The following SMTNL2 variants were observed in gnomAD, a reference collection of about 807,000 sequenced individuals.
SMTNL2 encodes the protein smoothelin-like protein 2.
Under a neutral mutation model 44.1 loss-of-function variants are expected in SMTNL2, and 43 were observed. That is an observed-to-expected ratio of 0.98 (90% CI 0.76 to 1.26). SMTNL2 has a LOEUF of 1.26. SMTNL2 is among the 50% of genes most tolerant of loss of function. The probability of loss-of-function intolerance (pLI) is 0.00; values close to 1 mark genes in which losing one functional copy is unlikely to be tolerated. For synonymous variants in SMTNL2, 317 were observed against 287.6 expected (o/e 1.10, Z -1.03); for missense variants, 646 against 670.2 (o/e 0.96, Z 0.40).
In SMTNL2 at chr17:4,595,811, G is replaced by A. The variant is rs978763956; in HGVS notation, c.989+484G>A. 8.5e-5 allele frequency among the ~76,000 whole-genome samples: 13 copies of A among 152,370 alleles called. No individual in the cohort carries two copies. Among genetic ancestry groups the A allele is most frequent in the South Asian group, 4.1e-4 (2 of 4,832 alleles). On this transcript the variant is annotated intron_variant, in intron 5 of 7. Transcript: ENST00000389313. This position sits in a 1 kb window ranked among gnomAD's most constrained non-coding sequence, Gnocchi z 5.1. ...GGCCTCCAGCCTGCTACTAGGTCTCGAGCGACGGCTCCTCAGGCTCCAGCC... is the reference window on the plus strand; with the variant it reads ...GGCCTCCAGCCTGCTACTAGGTCTCAAGCGACGGCTCCTCAGGCTCCAGCC...
chr17:4,588,897 G>C (rs994440826), intron 1 of SMTNL2, among the ~76,000 whole-genome samples: 1 of 152,212 alleles, frequency 6.6e-6, no homozygotes, highest in Non-Finnish European at 1.5e-5. Context: ...GGTTCCCCCT[G>C]CCCCACCCCA....
chr17:4,597,750 A>G (rs969423772), intron 7 of SMTNL2, among the ~76,000 whole-genome samples: 15 of 152,242 alleles, frequency 9.9e-5, no homozygotes, highest in African/African-American at 3.6e-4. Context: ...GACCTGGGCC[A>G]CTTAAAAGGA....
At chr17:4,593,340 T>C (rs1424799806) in intron 3 of SMTNL2, among the ~76,000 whole-genome samples, 169 bp downstream of exon 3, 1 of 152,246 alleles carries the variant, frequency 6.6e-6, no homozygotes, top group East Asian at 1.9e-4. Context: ...CCTCCCGGGC[T>C]ACTGCCCAGA....
chr17:4,590,789 G>T (rs879683872), intron 1 of SMTNL2, among the ~76,000 whole-genome samples: 1 of 152,096 alleles, frequency 6.6e-6, no homozygotes, highest in Non-Finnish European at 1.5e-5. Flanking sequence ...CTTGCCATCT[G>T]GTCTCCACTC....
chr17:4,607,284 G>T lies in SMTNL2; in HGVS notation c.1260-77G>T, dbSNP rs577347703. 1 of 1,593,194 alleles carries T rather than the reference G, an allele frequency of 6.3e-7. No individual in the cohort carries two copies. Among genetic ancestry groups the T allele is most frequent in the South Asian group, 1.1e-5 (1 of 88,962 alleles). ...CCGGCTGAGCTCTGTTCCCGGGACCGAGACACCGGCCCTGTCGCGGCTGTG... is the reference window on the plus strand; with the variant it reads ...CCGGCTGAGCTCTGTTCCCGGGACCTAGACACCGGCCCTGTCGCGGCTGTG... On this transcript the variant is annotated intron_variant, in intron 7 of 7. Coordinates refer to ENST00000389313, the MANE Select transcript of SMTNL2 (RefSeq NM_001114974.2). The surrounding 1 kb of genome is among the most constrained non-coding windows in gnomAD (Gnocchi z 4.7).
intron 1 of SMTNL2, among the ~76,000 whole-genome samples, chr17:4,587,084 C>G (rs1909371794): frequency 6.6e-6 from 1 of 152,184 alleles, no homozygotes; most frequent in South Asian, 2.1e-4. Flanking sequence ...TGAGGAGGAC[C>G]TGAGTGCACT....
In SMTNL2 at chr17:4,584,704, G is replaced by A. The variant is rs1033754815; in HGVS notation, c.99G>A (p.Glu33=). 12 of 1,296,346 alleles carry A rather than the reference G, an allele frequency of 9.3e-6. No individual in the cohort carries two copies. In the African/African-American group the frequency reaches 1.6e-4, roughly 17 times the overall value. 80.3% of individuals were successfully genotyped at this position (1,296,346 alleles called of 1,614,324 possible). A position where few individuals can be genotyped will look rare whatever the true frequency, so the allele number is the denominator to read the frequency against. Residue 33 remains glutamate, a synonymous_variant, in exon 1 of 8, where the codon GAG becomes GAA. Coordinates refer to ENST00000389313, the MANE Select transcript of SMTNL2 (RefSeq NM_001114974.2). ...ALEGAVRALH[E]DMRGLQRGVE... ...AGGGTGCGGTGCGCGCGCTGCACGA[G>A]GACATGCGGGGGCTGCAGCGCGGCG...
intron 7 of SMTNL2, among the ~76,000 whole-genome samples, chr17:4,603,507 T>C (rs1458768495): frequency 6.6e-6 from 1 of 152,052 alleles, no homozygotes; most frequent in Non-Finnish European, 1.5e-5. Context: ...GGAAATTGGG[T>C]CCCCTTTCCC....
At chr17:4,586,372 C>T (rs1374393569) in intron 1 of SMTNL2, among the ~76,000 whole-genome samples, 1 of 152,180 alleles carries the variant, frequency 6.6e-6, no homozygotes, top group Non-Finnish European at 1.5e-5. Flanking sequence ...TCACACGTGC[C>T]TCATCAACTG....
In SMTNL2 at chr17:4,593,135, A is replaced by G; in HGVS notation, c.694A>G (p.Ser232Gly). 2 of 1,611,122 alleles carry G rather than the reference A, an allele frequency of 1.2e-6. No homozygotes were observed. The highest frequency in any genetic ancestry group is 8.5e-7 in the Non-Finnish European group (1 of 1,177,942). ...ATLGGLNPSP[S>G]EVITPWTPSP... is the part of the protein sequence containing the mutation. ...CCTGGGGGGCCTCAACCCAAGCCCC[A>G]GCGAGGTCATCACGCCCTGGACTCC... The change falls in exon 3 of 8, where the codon AGC becomes GGC. Residue 232 changes from serine to glycine, a missense_variant. Transcript: ENST00000389313.
In SMTNL2 at chr17:4,595,223, G is replaced by A. The variant is rs1263228745; in HGVS notation, c.885G>A (p.Glu295=). ...TAACTCAGGTCCATCGGCAGGGGGA[G>A]CGTCGCAGGGAGCTGGTGAGGTCGC... ...PAITQVHRQG[E]RRRELVRSQT... Residue 295 remains glutamate (E), a synonymous_variant, in exon 5 of 8, where the codon GAG becomes GAA. Coordinates refer to ENST00000389313, the MANE Select transcript of SMTNL2 (RefSeq NM_001114974.2). This position sits in a 1 kb window ranked among gnomAD's most constrained non-coding sequence, Gnocchi z 5.1. 1.9e-6 allele frequency: 3 copies of A among 1,613,262 alleles called. No homozygotes were observed. Among genetic ancestry groups the A allele is most frequent in the East Asian group, 2.2e-5 (1 of 44,870 alleles).
intron 7 of SMTNL2, among the ~76,000 whole-genome samples, chr17:4,603,340 T>A (rs1323486581): frequency 6.6e-6 from 1 of 152,048 alleles, no homozygotes; most frequent in African/African-American, 2.4e-5. Flanking sequence ...TTCTGGCGTG[T>A]GAAGGGTTCT....
Position 4,584,567 on chromosome 17 carries a change from C to A in SMTNL2, c.-39C>A. Reference sequence around the variant, plus strand: ...AGCTGCGGAGCTCGGATCTTCTCCCCCGTCTGGCCCGCTCTCGACCCGCGC... The same window carrying A: ...AGCTGCGGAGCTCGGATCTTCTCCCACGTCTGGCCCGCTCTCGACCCGCGC... On this transcript the variant is annotated 5_prime_UTR_variant, in exon 1 of 8. Transcript: ENST00000389313. 1 of 1,218,436 alleles carries A rather than the reference C, an allele frequency of 8.2e-7. No individual in the cohort carries two copies. The highest frequency in any genetic ancestry group is 1.0e-6 in the Non-Finnish European group (1 of 979,112). The allele number at this position is 1,218,436 out of a possible 1,614,324, so 75.5% of individuals were successfully genotyped here.
Position 4,597,152 on chromosome 17 carries a change from C to A in SMTNL2, c.1108-20C>A. 1.2e-6 allele frequency: 2 copies of A among 1,610,056 alleles called. No individual in the cohort carries two copies. The highest frequency in any genetic ancestry group is 1.7e-6 in the Non-Finnish European group (2 of 1,178,242). On this transcript the variant is annotated intron_variant, in intron 6 of 7. Transcript: ENST00000389313. ...GTGCCCAGCTGCCCTCCCGCACTGA[C>A]CCCACTCACCCTGTTGCAGCACGTG...
In SMTNL2 at chr17:4,607,528, A is replaced by G; in HGVS notation, c.*41A>G. ...ATTGCCAAAGAGCAGCCCCAGGAAG[A>G]GGCCGGGGGTCCGCTTGCGATTCCC... On this transcript the variant is annotated 3_prime_UTR_variant, in exon 8 of 8. Transcript: ENST00000389313. This position sits in a 1 kb window ranked among gnomAD's most constrained non-coding sequence, Gnocchi z 4.7. 1 of 1,599,296 alleles carries G rather than the reference A, an allele frequency of 6.3e-7. No individual in the cohort carries two copies. The highest frequency in any genetic ancestry group is 1.1e-5 in the South Asian group (1 of 90,470).
At position 4,595,252 on chromosome 17, in the gene SMTNL2, CGCTGCCCCGCA is replaced by C. The variant is rs1567634846; in HGVS notation, c.915_925del (p.Pro307GlyfsTer10). ...CGCAGGGAGCTGGTGAGGTCGCAGACGCTGCCCCGCACCTCGGAGGCGCAGGCCCGGAAAGC... is the reference window on the plus strand; with the variant it reads ...CGCAGGGAGCTGGTGAGGTCGCAGACCCTCGGAGGCGCAGGCCCGGAAAGC... On this transcript the variant is annotated frameshift_variant, in exon 5 of 8. Coordinates refer to ENST00000389313, the MANE Select transcript of SMTNL2 (RefSeq NM_001114974.2). LOFTEE classifies it high-confidence loss of function. The surrounding 1 kb of genome is among the most constrained non-coding windows in gnomAD (Gnocchi z 5.1). 1 of 1,613,250 alleles carries C rather than the reference CGCTGCCCCGCA, an allele frequency of 6.2e-7. No homozygotes were observed. The highest frequency in any genetic ancestry group is 8.5e-7 in the Non-Finnish European group (1 of 1,179,966).
chr17:4,591,038 C>T (rs1909551596), intron 1 of SMTNL2, among the ~76,000 whole-genome samples: 1 of 152,220 alleles, frequency 6.6e-6, no homozygotes, highest in South Asian at 2.1e-4. Flanking sequence ...TCCCTTGCTC[C>T]TCCACCGGGC....
At position 4,585,012 on chromosome 17, in the gene SMTNL2, CG is replaced by C. The variant is rs1440699933; in HGVS notation, c.399+13del. 3.0e-6 allele frequency: 4 copies of C among 1,321,036 alleles called. No individual in the cohort carries two copies. The highest frequency in any genetic ancestry group is 2.9e-6 in the Non-Finnish European group (3 of 1,039,630). The allele number at this position is 1,321,036 out of a possible 1,614,324, so 81.8% of individuals were successfully genotyped here. ...CTGTCCGGCCGCGGCCAGGTGAGCC[CG>C]GGGGAGCGCGTGCGCTGGCGCCAGG... On this transcript the variant is annotated intron_variant, in intron 1 of 7. Transcript: ENST00000389313.
At chr17:4,588,290 A>G (rs1909424536) in intron 1 of SMTNL2, among the ~76,000 whole-genome samples, 1 of 152,260 alleles carries the variant, frequency 6.6e-6, no homozygotes, top group African/African-American at 2.4e-5. Flanking sequence ...AAAATGTCTA[A>G]AAGCTTTTCC....
Sources: gnomAD v4.1 joint callset for allele counts (sites outside exome capture counted in the v4.1 genomes callset) on GRCh38, gnomAD v4.1.1 for gene constraint, Gnocchi (gnomAD v3.1) non-coding constraint, MANE v1.5 for transcripts, NCBI Gene and HGNC (gene_info 2026-07-23, HGNC 2026-07-21) for gene names.